Variants in KLHL26 observed in about 807,000 individuals in gnomAD.
KLHL26 encodes kelch-like protein 26.
Under a neutral mutation model 7.1 loss-of-function variants are expected in KLHL26, and 4 were observed. The ratio of observed to expected loss-of-function variants is 0.56; its 90% CI spans 0.28 to 1.28. The LOEUF (loss-of-function observed/expected upper bound fraction) is 1.28, where lower values mean the gene tolerates loss of function less well. KLHL26 is among the 50% of genes most tolerant of loss of function. The pLI, the probability that KLHL26 is intolerant of heterozygous loss-of-function variation, is 0.11. For synonymous variants in KLHL26, 465 were observed against 414.1 expected (o/e 1.12, Z -1.49); for missense variants, 896 against 924.6 (o/e 0.97, Z 0.40).
At chr19:18,663,888 T>G (rs2052416851) in intron 1 of KLHL26, among the ~76,000 whole-genome samples, 1 of 151,992 alleles carries the variant, frequency 6.6e-6, no homozygotes, top group Non-Finnish European at 1.5e-5. Context: ...AAGGCTCCCG[T>G]GTGTCCTTTG....
intron 1 of KLHL26, among the ~76,000 whole-genome samples, chr19:18,637,511 G>A (rs1976641290): frequency 2.6e-5 from 4 of 152,140 alleles, no homozygotes; most frequent in Admixed American, 2.0e-4. Context: ...GTCTGAGGGT[G>A]GTGAGGTGTC....
rs896714138 is a variant in KLHL26, at chr19:18,643,486, A to AT, written c.83+6358dup. ...TTTATAGAGATGGGGTCTTATTATT[A>AT]TTTTTTTTTGAGATAGAGTTTTGCT... On this transcript the variant is annotated intron_variant, in intron 1 of 2. Coordinates refer to ENST00000300976, the MANE Select transcript of KLHL26 (RefSeq NM_018316.3). 5.2e-4 allele frequency among the ~76,000 whole-genome samples: 78 copies of AT among 149,954 alleles called. 1 individual carries two copies. Among genetic ancestry groups the AT allele is most frequent in the South Asian group, 2.5e-3 (12 of 4,734 alleles).
rs146332152 is a variant in KLHL26, at chr19:18,649,768, C to T, written c.83+12631C>T. ...TCCAGTCCCTTCCTGCCCCCCACCCCGCCCCTTCCACATGTCTCTCCGGAG... is the reference window on the plus strand; with the variant it reads ...TCCAGTCCCTTCCTGCCCCCCACCCTGCCCCTTCCACATGTCTCTCCGGAG... On this transcript the variant is annotated intron_variant, in intron 1 of 2. Coordinates refer to ENST00000300976, the MANE Select transcript of KLHL26 (RefSeq NM_018316.3). The surrounding 1 kb of genome is among the most constrained non-coding windows in gnomAD (Gnocchi z 4.0). 2.3e-3 allele frequency among the ~76,000 whole-genome samples: 345 copies of T among 152,326 alleles called. No homozygotes were observed. The highest frequency in any genetic ancestry group is 4.2e-3 in the Non-Finnish European group (286 of 68,028).
intron 2 of KLHL26, 155 bp from the exon 3 acceptor site, chr19:18,667,509 G>A: frequency 7.5e-7 from 1 of 1,335,320 alleles, no homozygotes; most frequent in Non-Finnish European, 9.9e-7. Flanking sequence ...CGGCCCCTTT[G>A]CATGTTTTTA....
chr19:18,657,364 A>C (rs1375414882), intron 1 of KLHL26, among the ~76,000 whole-genome samples: 1 of 110,466 alleles, frequency 9.1e-6, no homozygotes, highest in Non-Finnish European at 1.9e-5. Flanking sequence ...CTGTGTCTTC[A>C]TCTCTGGGTC....
Position 18,669,073 on chromosome 19 carries a change from G to A in KLHL26, c.1676G>A (p.Arg559Lys), listed in dbSNP as rs2145415261. 1 of 1,612,862 alleles carries A rather than the reference G, an allele frequency of 6.2e-7. No homozygotes were observed. The highest frequency in any genetic ancestry group is 1.7e-4 in the Middle Eastern group (1 of 6,060). The change falls in exon 3 of 3, where the codon AGG becomes AAG. Residue 559 changes from arginine to lysine, a missense_variant. Transcript: ENST00000300976. ...GAGGCCGGCTGCTGCCTGCTGGAGA[G>A]GAAGATCTACATCGTCGGGGGCTAC... ...QSEAGCCLLE[R>K]KIYIVGGYNW...
At chr19:18,662,081 A>G (rs7254689) in intron 1 of KLHL26, among the ~76,000 whole-genome samples, 2,412 of 152,188 alleles carry the variant, frequency 0.016, 30 homozygotes, top group South Asian at 0.049. Flanking sequence ...TTATATATGG[A>G]AGAGCATGGT....
In KLHL26 at chr19:18,667,974, C is replaced by CA; in HGVS notation, c.577_578insA (p.Leu193HisfsTer45). Reference sequence around the variant, plus strand: ...GGATGCCTTCACCTTCCGGCACTTCCTGCAGATCGCCGAGGAGGAGGATTT... The same window carrying CA: ...GGATGCCTTCACCTTCCGGCACTTCCATGCAGATCGCCGAGGAGGAGGATTT... On this transcript the variant is annotated frameshift_variant, in exon 3 of 3. Transcript: ENST00000300976. LOFTEE classifies it low-confidence loss of function (END_TRUNC). The CA allele has an allele frequency of 6.2e-7, 1 of 1,608,676 alleles. No homozygotes were observed. The highest frequency in any genetic ancestry group is 8.5e-7 in the Non-Finnish European group (1 of 1,179,982).
Position 18,664,422 on chromosome 19 carries a change from C to T in KLHL26, c.245C>T (p.Ala82Val). 6.3e-7 allele frequency: 1 copy of T among 1,588,728 alleles called. No homozygotes were observed. Residue 82 changes from alanine to valine, a missense_variant, in exon 2 of 3, where the codon GCT becomes GTT. By Grantham distance (64) the Ala-to-Val change is moderately conservative. Coordinates refer to ENST00000300976, the MANE Select transcript of KLHL26 (RefSeq NM_018316.3). ...TTTCCTGCACACAAGGTCGTCCTGG[C>T]TGCCTGCAGCGACTACTTCAGGTAA... ...EAFPAHKVVL[A>V]ACSDYFRAMF...
intron 1 of KLHL26, among the ~76,000 whole-genome samples, chr19:18,645,858 G>A (rs1976793011): frequency 6.6e-6 from 1 of 152,016 alleles, no homozygotes; most frequent in Non-Finnish European, 1.5e-5. Flanking sequence ...GTGCCCAGGG[G>A]CTTTGCTGCC....
rs1351694659 is a variant in KLHL26, at chr19:18,669,179, C to T, written c.1782C>T (p.Phe594=). Residue 594 remains phenylalanine (F), a synonymous_variant, in exon 3 of 3, where the codon TTC becomes TTT. Transcript: ENST00000300976. The part of the protein sequence containing the change: ...DTDEWERDLH[F]PESFAGIACA... ...ACGAGTGGGAGCGGGACCTGCACTT[C>T]CCGGAGTCCTTCGCAGGCATAGCCT... 8 of 1,612,598 alleles carry T rather than the reference C, an allele frequency of 5.0e-6. 1 individual carries two copies. The South Asian group carries it at 8.8e-5, about 18-fold the overall frequency.
rs570022841 is a variant in KLHL26, at chr19:18,662,206, C to T, written c.84-2055C>T. On this transcript the variant is annotated intron_variant, in intron 1 of 2. Transcript: ENST00000300976. ...GCCTCCAAGGGCTTTACAGGAGGCA[C>T]GAGAAGTCCTCCCATCCCTCCCCGC... Among the ~76,000 whole-genome samples, 35 of 152,272 alleles carry T rather than the reference C, an allele frequency of 2.3e-4. No homozygotes were observed. The South Asian group carries it at 4.6e-3, about 20-fold the overall frequency.
chr19:18,641,819 G>A (rs1164944158), intron 1 of KLHL26, among the ~76,000 whole-genome samples: 2 of 151,682 alleles, frequency 1.3e-5, no homozygotes, highest in African/African-American at 4.8e-5. Context: ...AGTAGAGACG[G>A]GGTTTCTCCA....
chr19:18,667,512 T>C, intron 2 of KLHL26, 152 bp from the exon 3 acceptor site: 1 of 1,356,290 alleles, frequency 7.4e-7, no homozygotes. Flanking sequence ...CCCCTTTGCA[T>C]GTTTTTAATG....
In KLHL26 at chr19:18,669,205, G is replaced by C. The variant is rs933878823; in HGVS notation, c.1808G>C (p.Cys603Ser). 6 of 1,612,034 alleles carry C rather than the reference G, an allele frequency of 3.7e-6. No individual in the cohort carries two copies. The highest frequency in any genetic ancestry group is 5.1e-6 in the Non-Finnish European group (6 of 1,179,950). The change falls in exon 3 of 3, where the codon TGC (cysteine) becomes TCC (serine). Residue 603 changes from cysteine to serine, a missense_variant. Coordinates refer to ENST00000300976, the MANE Select transcript of KLHL26 (RefSeq NM_018316.3). ...HFPESFAGIA[C>S]APVLLPRAGT... is the part of the protein sequence containing the mutation. ...CCGGAGTCCTTCGCAGGCATAGCCTGCGCCCCCGTCCTGCTGCCCCGGGCC... is the reference window on the plus strand; with the variant it reads ...CCGGAGTCCTTCGCAGGCATAGCCTCCGCCCCCGTCCTGCTGCCCCGGGCC...
rs1156269674 is a variant in KLHL26, at chr19:18,656,688, C to G, written c.84-7573C>G. 1.5e-5 allele frequency among the ~76,000 whole-genome samples: 2 copies of G among 132,456 alleles called. No individual in the cohort carries two copies. The highest frequency in any genetic ancestry group is 3.1e-5 in the Non-Finnish European group (2 of 63,858). 86.9% of individuals were successfully genotyped at this position (132,456 alleles called of 152,430 possible). ...AGGCGCAACTCACGGCGAGCCCTGT[C>G]TGCCTCAGTAGCGCGGGGCTCTTGG... On this transcript the variant is annotated intron_variant, in intron 1 of 2. Transcript: ENST00000300976. The surrounding 1 kb of genome is among the most constrained non-coding windows in gnomAD (Gnocchi z 4.4).
At position 18,671,085 on chromosome 19, in the gene KLHL26, C is replaced by A. The variant is rs1247316631; in HGVS notation, c.*1840C>A. 5 of 152,182 alleles carry A rather than the reference C, an allele frequency of 3.3e-5. No homozygotes were observed. The highest frequency in any genetic ancestry group is 1.2e-4 in the African/African-American group (5 of 41,432). The allele number at this position is 152,182 out of a possible 1,614,324, so 9.4% of individuals were successfully genotyped here. On this transcript the variant is annotated 3_prime_UTR_variant, in exon 3 of 3. Coordinates refer to ENST00000300976, the MANE Select transcript of KLHL26 (RefSeq NM_018316.3). The stretch of plus-strand genomic sequence containing the variant: ...GCCGGCCAAACTATGAACTGGGCTG[C>A]CCAGAGCAGGCCACTTATCAGTTGC...
intron 1 of KLHL26, among the ~76,000 whole-genome samples, chr19:18,661,890 C>A (rs754629709): frequency 9.2e-5 from 14 of 151,952 alleles, no homozygotes; most frequent in Non-Finnish European, 1.9e-4. Context: ...AGCCCACATT[C>A]TTTGTGCATC....
rs1179393012 is a variant in KLHL26 at position 18,637,046 on chromosome 19, G to A, written c.-9G>A. 8.2e-6 allele frequency: 11 copies of A among 1,337,368 alleles called. No individual in the cohort carries two copies. Among genetic ancestry groups the A allele is most frequent in the South Asian group, 1.8e-5 (1 of 55,422 alleles). 82.8% of individuals were successfully genotyped at this position (1,337,368 alleles called of 1,614,324 possible). On this transcript the variant is annotated 5_prime_UTR_variant, in exon 1 of 3. Transcript: ENST00000300976. ...TCCCGTCACTCGAACGCGCGACGGCGGGGGGAAGATGGCGGAGTCCGGCGG... is the reference window on the plus strand; with the variant it reads ...TCCCGTCACTCGAACGCGCGACGGCAGGGGGAAGATGGCGGAGTCCGGCGG...
Sources: allele counts gnomAD v4.1 joint callset (sites outside exome capture counted in the v4.1 genomes callset), GRCh38; gene constraint gnomAD v4.1.1; non-coding constraint Gnocchi (gnomAD v3.1); transcripts MANE v1.5; gene names NCBI Gene and HGNC (gene_info 2026-07-23, HGNC 2026-07-21).